The following RHBDF1 variants were observed in gnomAD, a reference collection of about 807,000 sequenced individuals.
RHBDF1 encodes the protein rhomboid 5 homolog 1, also known as inactive rhomboid protein 1.
A neutral mutation model predicts 98.6 loss-of-function variants in RHBDF1; 80 were observed. The observed-to-expected ratio is 0.81, with a 90% CI of 0.68 to 0.98. The LOEUF (loss-of-function observed/expected upper bound fraction) is 0.98, where lower values mean the gene tolerates loss of function less well. Among genes scored for constraint, RHBDF1 ranks in the 50% least tolerant of loss-of-function variants. The pLI is 0.00. For synonymous variants in RHBDF1, 512 were observed against 486.8 expected (o/e 1.05, Z -0.68); for missense variants, 1,116 against 1,198.3 (o/e 0.93, Z 1.01).
Position 64,780 on chromosome 16 carries a change from G to C in RHBDF1, c.167C>G (p.Thr56Arg), listed in dbSNP as rs776255395. The C allele has an allele frequency of 3.7e-6, 6 of 1,614,092 alleles. No homozygotes were observed. The highest frequency in any genetic ancestry group is 4.2e-6 in the Non-Finnish European group (5 of 1,180,020). The change falls in exon 3 of 18, where the codon ACA (threonine) becomes AGA (arginine). Residue 56 changes from threonine (T) to arginine (R), a missense_variant. Transcript: ENST00000262316. ...FLRSVSMPAE[T>R]AHISSPHHEL... ...ATGGTGGGGTGAAGAGATGTGGGCT[G>C]TCTCGGCTGGCATACTCACACTCCT...
upstream of RHBDF1, among the ~76,000 whole-genome samples, chr16:73,728 G>T (rs547532209): frequency 1.3e-5 from 2 of 152,262 alleles, no homozygotes; most frequent in African/African-American, 4.8e-5. Context: ...CCCATGCCTC[G>T]GACAAATGTG....
At chr16:67,626 C>T (rs1897862746) in intron 1 of RHBDF1, among the ~76,000 whole-genome samples, 2 of 152,234 alleles carry the variant, frequency 1.3e-5, no homozygotes, top group South Asian at 4.1e-4. Context: ...CAGCCTCAGG[C>T]TGCCCTACTA....
At chr16:66,606 T>A (rs2141861665) in intron 1 of RHBDF1, among the ~76,000 whole-genome samples, 1 of 152,270 alleles carries the variant, frequency 6.6e-6, no homozygotes, top group South Asian at 2.1e-4. Flanking sequence ...GGATGCCTTC[T>A]GCTGGCTCTT....
chr16:64,892 G>A lies in RHBDF1; in HGVS notation c.117+7C>T. Reference sequence around the variant, plus strand: ...GGCACCCACAGTCCCTGCAGGCCAGGGCCTACCTGCAGGAAGCTGGGCTCT... The same window carrying A: ...GGCACCCACAGTCCCTGCAGGCCAGAGCCTACCTGCAGGAAGCTGGGCTCT... On this transcript the variant is annotated splice_region_variant and intron_variant, in intron 2 of 17. Coordinates refer to ENST00000262316, the MANE Select transcript of RHBDF1 (RefSeq NM_022450.5). 1 of 1,611,954 alleles carries A rather than the reference G, an allele frequency of 6.2e-7. No homozygotes were observed. The highest frequency in any genetic ancestry group is 8.5e-7 in the Non-Finnish European group (1 of 1,178,580).
In RHBDF1 at chr16:64,826, G is replaced by A. The variant is rs149654816; in HGVS notation, c.121C>T (p.Leu41=). 4,396 of 1,614,118 alleles carry A rather than the reference G, an allele frequency of 2.7e-3. 7 individuals carry two copies. The highest frequency in any genetic ancestry group is 3.4e-3 in the Non-Finnish European group (4,069 of 1,180,024). ...CTCCTCAGGAAAGCCTGTCGCCTCA[G>A]GGGCTGGGCAACAGGGTCATGGTGA... The part of the protein sequence containing the change: ...TAEEPSFLQP[L]RRQAFLRSVS... Residue 41 remains leucine (L), a synonymous_variant, in exon 3 of 18, where the codon CTG becomes TTG. Transcript: ENST00000262316.
At position 58,249 on chromosome 16, in the gene RHBDF1, G is replaced by A. The variant is rs1244348139; in HGVS notation, c.*91C>T. ...GGAAACAGGCCAGTCCCCACATGGA[G>A]CAGGTGACTCCTGTAAGCCTGTGAG... On this transcript the variant is annotated 3_prime_UTR_variant, in exon 18 of 18. Transcript: ENST00000262316. The A allele has an allele frequency of 1.2e-5, 15 of 1,263,960 alleles. No individual in the cohort carries two copies. The highest frequency in any genetic ancestry group is 1.5e-5 in the Non-Finnish European group (14 of 907,248). 78.3% of individuals were successfully genotyped at this position (1,263,960 alleles called of 1,614,324 possible).
Position 61,902 on chromosome 16 carries a change from C to A in RHBDF1, c.1104G>T (p.Lys368Asn). The A allele has an allele frequency of 6.2e-7, 1 of 1,605,968 alleles. No individual in the cohort carries two copies. The highest frequency in any genetic ancestry group is 8.5e-7 in the Non-Finnish European group (1 of 1,179,708). Residue 368 changes from lysine (K) to asparagine (N), a missense_variant, in exon 8 of 18, where the codon AAG (lysine) becomes AAT (asparagine). By Grantham distance (94) the Lys-to-Asn change is moderately conservative (BLOSUM62 0). Transcript: ENST00000262316. ...VPVRKLFARE[K>N]RPYGLGMVGR... The stretch of plus-strand genomic sequence containing the variant: ...CCACCATGCCCAGCCCATACGGCCG[C>A]TTCTCCCGGGCGAAGAGCTTGCGCA...
In RHBDF1 at chr16:64,679, C is replaced by T; in HGVS notation, c.248+20G>A. 1 of 1,594,510 alleles carries T rather than the reference C, an allele frequency of 6.3e-7. No individual in the cohort carries two copies. Among genetic ancestry groups the T allele is most frequent in the Non-Finnish European group, 8.6e-7 (1 of 1,167,196 alleles). On this transcript the variant is annotated intron_variant, in intron 3 of 17. Coordinates refer to ENST00000262316, the MANE Select transcript of RHBDF1 (RefSeq NM_022450.5). The stretch of plus-strand genomic sequence containing the variant: ...AGCCCCCAGCTCCCACCCCATGGAG[C>T]AGCTGGGCGGTGTTGGTACCTGCGG...
At chr16:64,495 G>C in intron 3 of RHBDF1, 6 of 1,531,284 alleles carry the variant, frequency 3.9e-6, no homozygotes, top group Non-Finnish European at 5.3e-6. Flanking sequence ...AGTGAGTGCT[G>C]AAGAGAAGGG....
upstream of RHBDF1, chr16:73,918 C>T (rs971936316): frequency 6.1e-6 from 6 of 984,624 alleles, no homozygotes; most frequent in African/African-American, 1.7e-5. Flanking sequence ...GTACACTTAC[C>T]GGTAGATCCC....
In RHBDF1 at chr16:61,549, C is replaced by A. The variant is rs559972488; in HGVS notation, c.1320+36G>T. On this transcript the variant is annotated intron_variant, in intron 9 of 17. Coordinates refer to ENST00000262316, the MANE Select transcript of RHBDF1 (RefSeq NM_022450.5). ...GGGAGGGGGTCCAGTGCCCGGACTC[C>A]ACTCGTCTGGGCCCAGGGAAGGCAC... The A allele has an allele frequency of 1.2e-4, 186 of 1,610,882 alleles. 1 individual carries two copies. In the East Asian group the frequency reaches 4.0e-3, roughly 35 times the overall value.
chr16:58,160 A>C lies in RHBDF1; in HGVS notation c.*180T>G, dbSNP rs955829293. The C allele has an allele frequency of 3.5e-5, 21 of 600,142 alleles. No individual in the cohort carries two copies. Among genetic ancestry groups the C allele is most frequent in the Non-Finnish European group, 4.3e-5 (15 of 345,684 alleles). The allele number at this position is 600,142 out of a possible 1,614,324, so 37.2% of individuals were successfully genotyped here. On this transcript the variant is annotated 3_prime_UTR_variant, in exon 18 of 18. Coordinates refer to ENST00000262316, the MANE Select transcript of RHBDF1 (RefSeq NM_022450.5). Reference sequence around the variant, plus strand: ...GGTTATGACAGGAAGTAGTATAATAAATGCCCGGCAGTACGAGGGGTTCAA... The same window carrying C: ...GGTTATGACAGGAAGTAGTATAATACATGCCCGGCAGTACGAGGGGTTCAA...
At chr16:62,133 G>C in intron 7 of RHBDF1, 81 bp from the exon 8 acceptor site, 1 of 1,424,150 alleles carries the variant, frequency 7.0e-7, no homozygotes, top group Non-Finnish European at 9.2e-7. Context: ...AGGGCACCCT[G>C]TCTCTATCCT....
At chr16:69,016 G>A (rs1019871819) in intron 1 of RHBDF1, among the ~76,000 whole-genome samples, 25 of 152,178 alleles carry the variant, frequency 1.6e-4, no homozygotes, top group Non-Finnish European at 3.5e-4. Context: ...GCAGTGCCTG[G>A]CACAGTAGCA....
In RHBDF1 at chr16:59,242, C is replaced by A; in HGVS notation, c.1994+7G>T. 1.3e-6 allele frequency: 2 copies of A among 1,596,912 alleles called. No individual in the cohort carries two copies. Among genetic ancestry groups the A allele is most frequent in the Non-Finnish European group, 1.7e-6 (2 of 1,169,826 alleles). ...AGACCCCCGACCCGGCCCACAGTGTCACTTGCCCGGCGTGCAGGAAGAGGG... is the reference window on the plus strand; with the variant it reads ...AGACCCCCGACCCGGCCCACAGTGTAACTTGCCCGGCGTGCAGGAAGAGGG... On this transcript the variant is annotated splice_region_variant and intron_variant, in intron 16 of 17. Transcript: ENST00000262316.
At chr16:73,078 C>T (rs1898019865), upstream of RHBDF1, among the ~76,000 whole-genome samples, 1 of 152,208 alleles carries the variant, frequency 6.6e-6, no homozygotes, top group Non-Finnish European at 1.5e-5. Context: ...CACTCACATT[C>T]CCTCACACAC....
intron 1 of RHBDF1, 105 bp downstream of exon 1, chr16:72,408 T>C: frequency 1.9e-6 from 1 of 530,902 alleles, no homozygotes; most frequent in South Asian, 7.6e-5. Context: ...CCGGCCGCTC[T>C]GAGCAGCTCC....
upstream of RHBDF1, among the ~76,000 whole-genome samples, chr16:76,061 T>C (rs1435352761): frequency 1.3e-5 from 2 of 152,204 alleles, no homozygotes; most frequent in Non-Finnish European, 2.9e-5. Context: ...CCACAGCCTG[T>C]GGCCTATTGT....
At chr16:65,940 G>T (rs1897818573) in intron 1 of RHBDF1, among the ~76,000 whole-genome samples, 1 of 152,272 alleles carries the variant, frequency 6.6e-6, no homozygotes, top group South Asian at 2.1e-4. Flanking sequence ...GACATGCCAG[G>T]CACGGGGCCA....
Sources: gnomAD v4.1 joint callset for allele counts (sites outside exome capture counted in the v4.1 genomes callset) on GRCh38, gnomAD v4.1.1 for gene constraint, MANE v1.5 for transcripts, NCBI Gene and HGNC (gene_info 2026-07-23, HGNC 2026-07-21) for gene names.